Variants in CLDN16 observed in about 807,000 individuals in gnomAD.
The protein encoded by CLDN16 is claudin-16.
In CLDN16, 13 loss-of-function variants were observed where a neutral mutation model predicts 24.6. The ratio of observed to expected loss-of-function variants is 0.53; its 90% confidence interval spans 0.34 to 0.84. The LOEUF is 0.84. Among genes scored for constraint, CLDN16 ranks in the 40% least tolerant of loss-of-function variants. CLDN16 has a pLI of 0.01. For synonymous variants in CLDN16, 116 were observed against 106.7 expected (o/e 1.09, Z -0.54); for missense variants, 298 against 292.7 (o/e 1.02, Z -0.13).
At chr3:190,305,012 T>C in the CLDN16 span, among the ~76,000 whole-genome samples, 11 of 152,318 alleles carry the variant, frequency 7.2e-5, no homozygotes, top group African/African-American at 2.6e-4. Context: ...CTTTCAAACT[T>C]CTGCTGGCCT....
intron 1 of CLDN16, among the ~76,000 whole-genome samples, chr3:190,364,075 G>A (rs1334871927): frequency 6.6e-6 from 1 of 151,618 alleles, no homozygotes; most frequent in Non-Finnish European, 1.5e-5. Context: ...ATTTTTTTTG[G>A]ATTGCACTAT....
chr3:190,404,814 G>A lies in CLDN16; in HGVS notation c.270G>A (p.Gly90=). The A allele has an allele frequency of 6.2e-7, 1 of 1,614,110 alleles. No individual in the cohort carries two copies. Among genetic ancestry groups the A allele is most frequent in the Non-Finnish European group, 8.5e-7 (1 of 1,180,012 alleles). Residue 90 remains glycine (G), a synonymous_variant, in exon 3 of 5, where the codon GGG becomes GGA. Transcript: ENST00000264734. ...ALMITADILA[G]FGFLTLLLGL... ...TGATTACTGCAGATATTCTAGCTGGGTTTGGATTTCTCACCCTGCTCCTTG... is the reference window on the plus strand; with the variant it reads ...TGATTACTGCAGATATTCTAGCTGGATTTGGATTTCTCACCCTGCTCCTTG...
intron 1 of CLDN16, 39 bp from the exon 2 acceptor site, chr3:190,402,298 G>C: frequency 2.7e-6 from 4 of 1,462,164 alleles, no homozygotes; most frequent in African/African-American, 2.8e-5. Context: ...AACTGTGCCT[G>C]CATGAATTGT....
upstream of CLDN16, chr3:190,388,056 A>G (rs1718549165): frequency 2.7e-6 from 4 of 1,486,658 alleles, no homozygotes; most frequent in East Asian, 9.1e-5. Flanking sequence ...TCTCTCCCCC[A>G]CCCGAAACAC....
At chr3:190,395,177 A>G (rs1718785879) in intron 1 of CLDN16, among the ~76,000 whole-genome samples, 1 of 152,118 alleles carries the variant, frequency 6.6e-6, no homozygotes, top group African/African-American at 2.4e-5. Flanking sequence ...TATATAACGT[A>G]GGTCATATAC....
the CLDN16 span, among the ~76,000 whole-genome samples, chr3:190,311,161 T>C: frequency 6.6e-6 from 1 of 152,162 alleles, no homozygotes; most frequent in African/African-American, 2.4e-5. Flanking sequence ...CTTGTGATGC[T>C]TACTCCTAAG....
At chr3:190,378,270 G>T (rs1384134108) in intron 3 of CLDN16, among the ~76,000 whole-genome samples, 1 of 151,996 alleles carries the variant, frequency 6.6e-6, no homozygotes, top group Non-Finnish European at 1.5e-5. Context: ...GATCCTTGAA[G>T]ATGAAGGAGG....
intron 1 of CLDN16, among the ~76,000 whole-genome samples, chr3:190,352,114 G>T (rs910800255): frequency 2.0e-5 from 3 of 150,846 alleles, no homozygotes; most frequent in Admixed American, 1.3e-4. Context: ...AATATTATTT[G>T]TCTGAAACTA....
intron 1 of CLDN16, among the ~76,000 whole-genome samples, chr3:190,401,352 CT>C (rs1718957259): frequency 6.9e-6 from 1 of 145,746 alleles, no homozygotes; most frequent in African/African-American, 2.6e-5. Flanking sequence ...GTTATTTATT[CT>C]TTCTTGGGGA....
chr3:190,297,508 A>ATG, the CLDN16 span, among the ~76,000 whole-genome samples: 3 of 143,192 alleles, frequency 2.1e-5, no homozygotes, highest in Non-Finnish European at 3.0e-5. Flanking sequence ...TTATATCTAT[A>ATG]TATAGATATG....
At chr3:190,338,293 C>T (rs1717354797) in intron 1 of CLDN16, among the ~76,000 whole-genome samples, 1 of 152,140 alleles carries the variant, frequency 6.6e-6, no homozygotes, top group African/African-American at 2.4e-5. Flanking sequence ...TCTAGTTCTT[C>T]AAGTGGACCA....
chr3:190,351,120 C>A (rs181897826), intron 1 of CLDN16, among the ~76,000 whole-genome samples: 475 of 151,854 alleles, frequency 3.1e-3, no homozygotes, highest in Non-Finnish European at 4.7e-3. Context: ...TCCCCCCCAC[C>A]CCCTTGGTCC....
At chr3:190,319,210 T>A (rs1417192548), upstream of CLDN16, among the ~76,000 whole-genome samples, 1 of 152,148 alleles carries the variant, frequency 6.6e-6, no homozygotes, top group Non-Finnish European at 1.5e-5. Flanking sequence ...GAGAATTAGA[T>A]GAAAACAAGG....
chr3:190,297,514 A>G, the CLDN16 span, among the ~76,000 whole-genome samples: 1 of 143,288 alleles, frequency 7.0e-6, no homozygotes, highest in Non-Finnish European at 1.5e-5. Context: ...CTATATATAG[A>G]TATGTATATA....
At chr3:190,305,038 A>G in the CLDN16 span, among the ~76,000 whole-genome samples, 1 of 152,218 alleles carries the variant, frequency 6.6e-6, no homozygotes, top group Non-Finnish European at 1.5e-5. Context: ...TTACCTTCAG[A>G]TATTTAAATT....
upstream of CLDN16, among the ~76,000 whole-genome samples, chr3:190,384,461 C>T (rs902966316): frequency 5.3e-5 from 8 of 152,194 alleles, no homozygotes; most frequent in Admixed American, 2.6e-4. Flanking sequence ...AATAGACCAA[C>T]AGCCACGGTG....
upstream of CLDN16, chr3:190,322,246 T>C (rs987578210): frequency 7.6e-6 from 12 of 1,587,152 alleles, no homozygotes; most frequent in Non-Finnish European, 1.0e-5. Context: ...GGGTGGCAGG[T>C]GCAGAAGGCG....
At chr3:190,312,819 A>G in the CLDN16 span, 1 of 1,597,166 alleles carries the variant, frequency 6.3e-7, no homozygotes. Context: ...ATAGATTTCA[A>G]ATCATACCAG....
At chr3:190,295,883 C>T in the CLDN16 span, among the ~76,000 whole-genome samples, 3 of 152,138 alleles carry the variant, frequency 2.0e-5, no homozygotes, top group African/African-American at 7.2e-5. Context: ...GATCAAGAGG[C>T]TTGATTTATG....
Sources: allele counts gnomAD v4.1 joint callset (sites outside exome capture counted in the v4.1 genomes callset), GRCh38; gene constraint gnomAD v4.1.1; transcripts MANE v1.5; gene names NCBI Gene and HGNC (gene_info 2026-07-23, HGNC 2026-07-21).